NCOA6: variants seen among roughly 807,000 people sequenced by gnomAD.
NCOA6 encodes NRC RAP250.
A neutral mutation model predicts 171.4 loss-of-function variants in NCOA6; 49 were observed. The observed-to-expected ratio is 0.29, with a 90% CI of 0.23 to 0.36. The LOEUF is 0.36. NCOA6 is among the 10% of genes least tolerant of loss of function. The pLI, the probability that NCOA6 is intolerant of heterozygous loss-of-function variation, is 1.00. For synonymous variants in NCOA6, 910 were observed against 927.5 expected (o/e 0.98, Z 0.34); for missense variants, 2,248 against 2,554.5 (o/e 0.88, Z 2.59).
At chr20:34,776,549 A>T in intron 3 of NCOA6, 101 bp from the exon 4 acceptor site, 1 of 1,335,710 alleles carries the variant, frequency 7.5e-7, no homozygotes, top group Non-Finnish European at 1.1e-6. Context: ...AAGGTGGAGC[A>T]CCAGCTTGGA....
rs545509000 is a variant in NCOA6, at chr20:34,715,116, T to C, written c.*206A>G. 7.2e-6 allele frequency: 4 copies of C among 557,326 alleles called. No homozygotes were observed. Among genetic ancestry groups the C allele is most frequent in the Admixed American group, 6.3e-5 (2 of 31,752 alleles). 34.5% of individuals were successfully genotyped at this position (557,326 alleles called of 1,614,324 possible). On this transcript the variant is annotated 3_prime_UTR_variant, in exon 15 of 15. Transcript: ENST00000359003. ...AATACAAGACAACATTTTAGAAACC[T>C]TGAACTTCAACTCGCAACACCAAAA...
At chr20:34,821,006 T>C (rs529541009) in intron 1 of NCOA6, 1 of 152,322 alleles carries the variant, frequency 6.6e-6, no homozygotes, top group African/African-American at 2.4e-5. Context: ...CACTGACTGA[T>C]ATAAATATTC....
rs1182875598 is a variant in NCOA6, at chr20:34,741,321, T to C, written c.4935A>G (p.Ser1645=). The C allele has an allele frequency of 1.5e-5, 24 of 1,614,204 alleles. No homozygotes were observed. Among genetic ancestry groups the C allele is most frequent in the Non-Finnish European group, 1.9e-5 (23 of 1,180,032 alleles). ...GAGGCCGGGCATTAGACTGAGCAGC[T>C]GACTGTCCCTCAGAAACCATAACCT... The part of the protein sequence containing the change: ...GSKVMVSEGQ[S]AAQSNARPQF... Residue 1645 remains serine (S), a synonymous_variant, in exon 11 of 15, where the codon TCA becomes TCG. Transcript: ENST00000359003.
intron 12 of NCOA6, chr20:34,732,886 G>T: frequency 4.0e-6 from 1 of 249,220 alleles, no homozygotes; most frequent in Non-Finnish European, 7.7e-6. Flanking sequence ...TTACAACCAG[G>T]TTAGCAAAAT....
intron 9 of NCOA6, among the ~76,000 whole-genome samples, chr20:34,749,105 A>AAG (rs1432969089): frequency 6.6e-6 from 1 of 152,228 alleles, no homozygotes; most frequent in Non-Finnish European, 1.5e-5. Flanking sequence ...TGAGAGTACT[A>AAG]AGGAAGTATT....
intron 2 of NCOA6, among the ~76,000 whole-genome samples, chr20:34,788,310 C>T (rs1480298763): frequency 4.6e-5 from 7 of 152,106 alleles, no homozygotes; most frequent in African/African-American, 7.2e-5. Context: ...GTGATCCACC[C>T]GCCTCGGCCT....
At chr20:34,819,278 G>C (rs918248967) in intron 1 of NCOA6, 1 of 152,294 alleles carries the variant, frequency 6.6e-6, no homozygotes, top group African/African-American at 2.4e-5. Context: ...GGCAGACTAT[G>C]GAGAACTAGG....
intron 1 of NCOA6, among the ~76,000 whole-genome samples, chr20:34,807,460 T>G (rs2078492687): frequency 6.6e-6 from 1 of 152,250 alleles, no homozygotes; most frequent in Non-Finnish European, 1.5e-5. Context: ...TGTGGTAATC[T>G]GTTATGCAAC....
At position 34,749,478 on chromosome 20, in the gene NCOA6, T is replaced by C; in HGVS notation, c.2717A>G (p.Gln906Arg). 4 of 1,614,206 alleles carry C rather than the reference T, an allele frequency of 2.5e-6. No homozygotes were observed. The highest frequency in any genetic ancestry group is 2.5e-6 in the Non-Finnish European group (3 of 1,180,032). ...SAGHFGVNNK[Q>R]NNTNANKPKK... ...CGGTTTATTTGCGTTGGTATTATTT[T>C]GCTTATTGTTTACCCCAAAATGGCC... is the stretch of plus-strand genomic sequence containing the variant. The change falls in exon 9 of 15, where the codon CAA becomes CGA. Residue 906 changes from glutamine (Q) to arginine (R), a missense_variant. By Grantham distance (43) the Gln-to-Arg change is conservative. Around this residue, in one of 7 missense-constraint regions of NCOA6, gnomAD observed 352 missense variants for 419.1 expected, o/e 0.84. Coordinates refer to ENST00000359003, the MANE Select transcript of NCOA6 (RefSeq NM_014071.5).
At chr20:34,721,294 G>C (rs1016983603) in intron 14 of NCOA6, among the ~76,000 whole-genome samples, 3 of 140,634 alleles carry the variant, frequency 2.1e-5, no homozygotes, top group Non-Finnish European at 4.5e-5. Flanking sequence ...CAAAAGGACT[G>C]AATTCAGGGG....
In NCOA6 at chr20:34,729,534, C is replaced by CAACAA. The variant is rs11470877; in HGVS notation, c.6000-2132_6000-2128dup. Among the ~76,000 whole-genome samples the CAACAA allele has an allele frequency of 7.7e-3, 1,163 of 150,066 alleles. 24 individuals carry two copies. The East Asian group carries it at 0.081, about 11-fold the overall frequency. On this transcript the variant is annotated intron_variant, in intron 13 of 14. Transcript: ENST00000359003. ...AGACATGTAACAAATAAAAATAATGCAACAAAACAAAACAAAACAAAACAA... is the reference window on the plus strand; with the variant it reads ...AGACATGTAACAAATAAAAATAATGCAACAAAACAAAACAAAACAAAACAAAACAA...
intron 14 of NCOA6, among the ~76,000 whole-genome samples, chr20:34,721,514 G>A (rs1989338356): frequency 6.6e-6 from 1 of 152,104 alleles, no homozygotes; most frequent in African/African-American, 2.4e-5. Flanking sequence ...GGATGAAACT[G>A]TTCCACCTCA....
chr20:34,740,314 G>A, intron 11 of NCOA6, 49 bp downstream of exon 11: 1 of 1,568,350 alleles, frequency 6.4e-7, no homozygotes, highest in Non-Finnish European at 8.7e-7. Context: ...TGTGGGATTA[G>A]GTCATCAAAA....
intron 9 of NCOA6, among the ~76,000 whole-genome samples, chr20:34,747,166 C>T (rs955885224): frequency 6.6e-6 from 1 of 152,100 alleles, no homozygotes; most frequent in African/African-American, 2.4e-5. Context: ...GAATGCTTTC[C>T]ACAAATTCCT....
chr20:34,736,890 C>T (rs1303025254), intron 11 of NCOA6, 132 bp from the exon 12 acceptor site: 16 of 663,338 alleles, frequency 2.4e-5, no homozygotes, highest in Non-Finnish European at 3.8e-5. Flanking sequence ...AAATTGGCCT[C>T]GAAATTACAA....
At chr20:34,798,734 C>T (rs1180378181) in intron 1 of NCOA6, among the ~76,000 whole-genome samples, 1 of 152,170 alleles carries the variant, frequency 6.6e-6, no homozygotes, top group Non-Finnish European at 1.5e-5. Flanking sequence ...AAGGTGGTAC[C>T]TCTATGAGTC....
rs768011723 is a variant in NCOA6, at chr20:34,768,443, C to A, written c.514+21G>T. 31 of 1,612,136 alleles carry A rather than the reference C, an allele frequency of 1.9e-5. No individual in the cohort carries two copies. In the South Asian group the frequency reaches 2.5e-4, roughly 13 times the overall value. ...AAAAGGAAACTAGTAAAATGTCATA[C>A]AATTGAGTGGGAGGTCTTACCTGGA... On this transcript the variant is annotated intron_variant, in intron 5 of 14. Coordinates refer to ENST00000359003, the MANE Select transcript of NCOA6 (RefSeq NM_014071.5).
At chr20:34,821,852 G>A (rs566897271) in intron 1 of NCOA6, among the ~76,000 whole-genome samples, 7 of 152,308 alleles carry the variant, frequency 4.6e-5, no homozygotes, top group African/African-American at 1.7e-4. Context: ...CTCCCAAAGT[G>A]CTGGGATTAC....
Position 34,740,359 on chromosome 20 carries a change from A to G in NCOA6, c.5893+4T>C. ...AAAGAGATGATGAAGCCCCAAGTAC[A>G]TACCTATGCTGGGTAGAAGTTCTGG... On this transcript the variant is annotated splice_donor_region_variant and intron_variant, in intron 11 of 14. Coordinates refer to ENST00000359003, the MANE Select transcript of NCOA6 (RefSeq NM_014071.5). The G allele has an allele frequency of 6.2e-7, 1 of 1,612,292 alleles. No homozygotes were observed. Among genetic ancestry groups the G allele is most frequent in the Non-Finnish European group, 8.5e-7 (1 of 1,178,928 alleles).
Sources: gnomAD v4.1 joint callset for allele counts (sites outside exome capture counted in the v4.1 genomes callset) on GRCh38, gnomAD v4.1.1 for gene constraint, gnomAD v4.1.1 regional missense constraint, MANE v1.5 for transcripts, NCBI Gene and HGNC (gene_info 2026-07-23, HGNC 2026-07-21) for gene names.